The following SSR1 variants were observed in gnomAD, a reference collection of about 807,000 sequenced individuals.
SSR1 encodes the protein signal sequence receptor subunit 1.
SSR1 carries 13 observed loss-of-function variants against 36.1 expected under a neutral mutation model. That is an observed-to-expected ratio of 0.36 (90% CI 0.23 to 0.57). The LOEUF (loss-of-function observed/expected upper bound fraction) is 0.57, where lower values mean the gene tolerates loss of function less well. Ranked by LOEUF, SSR1 falls within the 20% of genes least tolerant of loss-of-function variation. The probability of loss-of-function intolerance (pLI) is 0.81; values close to 1 mark genes in which losing one functional copy is unlikely to be tolerated. For synonymous variants in SSR1, 113 were observed against 118.9 expected (o/e 0.95, Z 0.32); for missense variants, 291 against 338.5 (o/e 0.86, Z 1.10).
At chr6:7,297,146 GA>G in intron 6 of SSR1, 2 of 332,512 alleles carry the variant, frequency 6.0e-6, no homozygotes, top group Non-Finnish European at 1.2e-5. Flanking sequence ...CTTGAGCCCC[GA>G]AGGCGGAGGT....
At position 7,281,955 on chromosome 6, in the gene SSR1, C is replaced by CAG. The variant is rs1176511512; in HGVS notation, c.*7907_*7908dup. On this transcript the variant is annotated 3_prime_UTR_variant, in exon 8 of 8. Coordinates refer to ENST00000244763, the MANE Select transcript of SSR1 (RefSeq NM_003144.5). The stretch of plus-strand genomic sequence containing the variant: ...CTGGCACGCTCTGGAAAGGCTGGTG[C>CAG]AGAGAGCAGGACGGTGAGCCTGAGT... 1.3e-5 allele frequency: 2 copies of CAG among 152,522 alleles called. No individual in the cohort carries two copies. Among genetic ancestry groups the CAG allele is most frequent in the African/African-American group, 4.8e-5 (2 of 41,560 alleles). The allele number at this position is 152,522 out of a possible 1,614,324, so 9.4% of individuals were successfully genotyped here. A position where few individuals can be genotyped will look rare whatever the true frequency, so the allele number is the denominator to read the frequency against.
intron 2 of SSR1, among the ~76,000 whole-genome samples, chr6:7,308,390 A>C (rs1212782847): frequency 6.6e-6 from 1 of 152,198 alleles, no homozygotes; most frequent in East Asian, 1.9e-4. Context: ...TATAAGAATA[A>C]ATATTTTGAT....
intron 7 of SSR1, among the ~76,000 whole-genome samples, chr6:7,290,621 T>G (rs1176154774): frequency 5.9e-5 from 9 of 152,186 alleles, no homozygotes; most frequent in Non-Finnish European, 1.5e-5. Flanking sequence ...AGAAATTACT[T>G]GTATAATTGT....
chr6:7,311,795 G>A (rs1758199500), intron 1 of SSR1, among the ~76,000 whole-genome samples: 6 of 152,130 alleles, frequency 3.9e-5, no homozygotes, highest in Admixed American at 3.9e-4. Context: ...ATGTTTACAA[G>A]ATATTAATTC....
intron 4 of SSR1, among the ~76,000 whole-genome samples, chr6:7,300,037 T>C (rs1757899176): frequency 6.6e-6 from 1 of 152,208 alleles, no homozygotes; most frequent in Admixed American, 6.5e-5. Flanking sequence ...CATATATACC[T>C]GTTGGATTAA....
intron 7 of SSR1, among the ~76,000 whole-genome samples, chr6:7,293,865 G>C (rs1757735383): frequency 6.6e-6 from 1 of 152,146 alleles, no homozygotes; most frequent in Non-Finnish European, 1.5e-5. Context: ...ATGTATAAAG[G>C]AGCTGAACCT....
At chr6:7,295,123 G>C (rs1757764294) in intron 7 of SSR1, 2 of 1,517,276 alleles carry the variant, frequency 1.3e-6, no homozygotes, top group Non-Finnish European at 8.8e-7. Context: ...AGAAAGAAAA[G>C]AGACAGGAAA....
chr6:7,310,224 AT>A (rs10633004), intron 1 of SSR1, among the ~76,000 whole-genome samples, 195 bp from the exon 2 acceptor site: 3,488 of 139,284 alleles, frequency 0.025, 40 homozygotes, highest in African/African-American at 0.038. Context: ...CTGCATATCA[AT>A]TTTTTTTTTT....
chr6:7,295,302 C>T, intron 7 of SSR1, 90 bp downstream of exon 7: 2 of 1,210,732 alleles, frequency 1.7e-6, no homozygotes, highest in Non-Finnish European at 2.3e-6. Context: ...TTAAATAGTA[C>T]TGAAAAAGTT....
chr6:7,301,699 G>A, intron 3 of SSR1, 127 bp from the exon 4 acceptor site: 3 of 950,572 alleles, frequency 3.2e-6, no homozygotes. Flanking sequence ...CCTTCCAATA[G>A]AGCACTCCAG....
chr6:7,304,850 T>C (rs923598928), intron 2 of SSR1, among the ~76,000 whole-genome samples: 11 of 152,182 alleles, frequency 7.2e-5, no homozygotes, highest in South Asian at 2.1e-4. Flanking sequence ...CTTCCTCCAA[T>C]AGATAAAACT....
chr6:7,306,413 G>C (rs1003616586), intron 2 of SSR1, among the ~76,000 whole-genome samples: 7 of 151,942 alleles, frequency 4.6e-5, no homozygotes, highest in African/African-American at 1.7e-4. Flanking sequence ...AAAGTGCTGG[G>C]AGTACAGGCG....
At position 7,309,985 on chromosome 6, in the gene SSR1, CT is replaced by C; in HGVS notation, c.123del (p.Val42Ter). 6.2e-7 allele frequency: 1 copy of C among 1,613,988 alleles called. No individual in the cohort carries two copies. Among genetic ancestry groups the C allele is most frequent in the Non-Finnish European group, 8.5e-7 (1 of 1,179,986 alleles). Reference sequence around the variant, plus strand: ...TCATCCTCAATTATGGAATCTTCTACTGTTTCTTCATCCTCTGTAAGATCTT... The same window carrying C: ...TCATCCTCAATTATGGAATCTTCTACGTTTCTTCATCCTCTGTAAGATCTT... ...VAQDLTEDEE[T>X]VEDSIIEDED... is the part of the protein sequence containing the mutation. On this transcript the variant is annotated frameshift_variant, in exon 2 of 8. Coordinates refer to ENST00000244763, the MANE Select transcript of SSR1 (RefSeq NM_003144.5). LOFTEE classifies it high-confidence loss of function.
chr6:7,291,693 A>G (rs967284317), intron 7 of SSR1, among the ~76,000 whole-genome samples: 1 of 152,318 alleles, frequency 6.6e-6, no homozygotes, highest in East Asian at 1.9e-4. Flanking sequence ...AACTTTTTCA[A>G]ATAAGCAGTA....
intron 2 of SSR1, among the ~76,000 whole-genome samples, chr6:7,303,958 C>T (rs1301828790): frequency 1.3e-5 from 2 of 151,840 alleles, no homozygotes; most frequent in African/African-American, 2.4e-5. Flanking sequence ...TGCAAGACTC[C>T]GACTCAAAAA....
rs765060852 is a variant in SSR1 at position 7,295,485 on chromosome 6, G to A, written c.700C>T (p.Arg234Cys). 15 of 1,585,036 alleles carry A rather than the reference G, an allele frequency of 9.5e-6. No homozygotes were observed. The highest frequency in any genetic ancestry group is 4.6e-5 in the South Asian group (4 of 86,712). Residue 234 changes from arginine (R) to cysteine (C), a missense_variant and splice_region_variant, in exon 7 of 8, where the codon CGT becomes TGT. Transcript: ENST00000244763. Reference sequence around the variant, plus strand: ...TCTACTTTCTGTATGGGTCTCTTACGCTAAAAGAACATAAAGACATATTTT... The same window carrying A: ...TCTACTTTCTGTATGGGTCTCTTACACTAAAAGAACATAAAGACATATTTT... ...GLHQLLESRK[R>C]KRPIQKVEMG...
chr6:7,312,239 T>C (rs900519712), intron 1 of SSR1, among the ~76,000 whole-genome samples: 2 of 152,242 alleles, frequency 1.3e-5, no homozygotes, highest in African/African-American at 4.8e-5. Context: ...CACACTTAAT[T>C]GCTGGGTTAA....
intron 2 of SSR1, among the ~76,000 whole-genome samples, chr6:7,304,498 C>G (rs1302690258): frequency 6.6e-6 from 1 of 151,602 alleles, no homozygotes; most frequent in Non-Finnish European, 1.5e-5. Context: ...GAGGATCAGT[C>G]ACATAATTTT....
At chr6:7,301,174 A>C (rs1422133112) in intron 4 of SSR1, 136 bp downstream of exon 4, 1 of 1,089,942 alleles carries the variant, frequency 9.2e-7, no homozygotes, top group Non-Finnish European at 1.3e-6. Flanking sequence ...CGTGCAATTT[A>C]TCTTTGCTTC....
Sources: gnomAD v4.1 joint callset for allele counts (sites outside exome capture counted in the v4.1 genomes callset) on GRCh38, gnomAD v4.1.1 for gene constraint, MANE v1.5 for transcripts, NCBI Gene and HGNC (gene_info 2026-07-23, HGNC 2026-07-21) for gene names.